The following PRKG1 variants were observed in gnomAD, a reference collection of about 807,000 sequenced individuals.
PRKG1 encodes the protein protein kinase cGMP-dependent 1.
In PRKG1, 35 loss-of-function variants were observed where a neutral mutation model predicts 88.1. The ratio of observed to expected loss-of-function variants is 0.40; its 90% confidence interval spans 0.30 to 0.53. The LOEUF is 0.53. Ranked by LOEUF, PRKG1 falls within the 20% of genes least tolerant of loss-of-function variation. The pLI is 0.59. For synonymous variants in PRKG1, 303 were observed against 292.5 expected (o/e 1.04, Z -0.37); for missense variants, 540 against 839.8 (o/e 0.64, Z 4.41).
intron 1 of PRKG1, among the ~76,000 whole-genome samples, chr10:51,061,221 G>A (rs1843689199): frequency 6.6e-6 from 1 of 152,118 alleles, no homozygotes; most frequent in Admixed American, 6.6e-5. Context: ...CGAAGGAAGA[G>A]CAAAGGGACC....
intron 5 of PRKG1, among the ~76,000 whole-genome samples, chr10:51,985,135 A>G (rs1844120957): frequency 6.6e-6 from 1 of 152,252 alleles, no homozygotes; most frequent in Admixed American, 6.5e-5. Flanking sequence ...CACATCTTCT[A>G]TTTTTATTCC....
At chr10:51,651,804 G>A (rs1309947717) in intron 3 of PRKG1, among the ~76,000 whole-genome samples, 1 of 151,868 alleles carries the variant, frequency 6.6e-6, no homozygotes, top group African/African-American at 2.4e-5. Context: ...GAATTGTCTC[G>A]ATCTCTTGAC....
intron 3 of PRKG1, among the ~76,000 whole-genome samples, chr10:51,471,809 C>T (rs947369232): frequency 2.0e-5 from 3 of 151,738 alleles, no homozygotes; most frequent in Non-Finnish European, 4.4e-5. Flanking sequence ...TCCAATGAAA[C>T]CCAATAAAAA....
At chr10:51,813,033 A>C (rs555173967) in intron 4 of PRKG1, among the ~76,000 whole-genome samples, 2 of 152,306 alleles carry the variant, frequency 1.3e-5, no homozygotes, top group South Asian at 4.1e-4. Flanking sequence ...CCTGGGCCAA[A>C]TGTGTTGTTG....
intron 2 of PRKG1, among the ~76,000 whole-genome samples, chr10:51,463,004 G>A (rs1208866904): frequency 1.3e-5 from 2 of 152,124 alleles, no homozygotes; most frequent in African/African-American, 4.8e-5. Flanking sequence ...CTTAGTAACA[G>A]ACCTAATAGC....
intron 5 of PRKG1, among the ~76,000 whole-genome samples, chr10:51,933,066 C>T (rs916658238): frequency 6.6e-5 from 10 of 151,930 alleles, no homozygotes; most frequent in Non-Finnish European, 1.2e-4. Context: ...TGGGTAGCAG[C>T]CCCAATGTGT....
At chr10:51,110,739 G>C (rs1844962666) in intron 1 of PRKG1, among the ~76,000 whole-genome samples, 1 of 151,950 alleles carries the variant, frequency 6.6e-6, no homozygotes, top group Admixed American at 6.6e-5. Context: ...TATCTAAAGA[G>C]AGCTGCTAAA....
intron 2 of PRKG1, among the ~76,000 whole-genome samples, chr10:51,422,306 T>A (rs1485782079): frequency 6.6e-6 from 1 of 152,136 alleles, no homozygotes; most frequent in Non-Finnish European, 1.5e-5. Flanking sequence ...CACTGTGAGG[T>A]TTCTGTAAGA....
At chr10:51,817,349 C>T (rs536518060) in intron 4 of PRKG1, among the ~76,000 whole-genome samples, 2 of 142,636 alleles carry the variant, frequency 1.4e-5, no homozygotes, top group Admixed American at 7.0e-5. Context: ...CCTCCCCAAC[C>T]CCCCCCCTCC....
chr10:51,779,511 A>G (rs1838530367), intron 3 of PRKG1, among the ~76,000 whole-genome samples: 1 of 152,174 alleles, frequency 6.6e-6, no homozygotes, highest in East Asian at 1.9e-4. Context: ...TATTTTTTTC[A>G]TAAAACAGTA....
At chr10:51,666,697 T>C (rs1174804256) in intron 3 of PRKG1, among the ~76,000 whole-genome samples, 1 of 152,236 alleles carries the variant, frequency 6.6e-6, no homozygotes, top group African/African-American at 2.4e-5. Flanking sequence ...AATTATTTCA[T>C]CAGGCACAAG....
chr10:51,780,584 CGTAA>C (rs1397523247), intron 3 of PRKG1, among the ~76,000 whole-genome samples: 4 of 152,092 alleles, frequency 2.6e-5, no homozygotes, highest in African/African-American at 9.7e-5. Flanking sequence ...TTTATAAAAT[CGTAA>C]GTAACTTTTA....
chr10:51,636,325 A>G (rs1180982368), intron 3 of PRKG1, among the ~76,000 whole-genome samples: 1 of 152,210 alleles, frequency 6.6e-6, no homozygotes, highest in Non-Finnish European at 1.5e-5. Flanking sequence ...AAGCAAAACC[A>G]TTGATTCTCC....
At chr10:51,633,382 C>T (rs548191970) in intron 3 of PRKG1, among the ~76,000 whole-genome samples, 14 of 151,914 alleles carry the variant, frequency 9.2e-5, no homozygotes, top group South Asian at 2.1e-4. Flanking sequence ...AGCTGAACAT[C>T]CTGAAGCAAG....
chr10:51,269,402 GGCACAT>G (rs992173358), intron 2 of PRKG1, among the ~76,000 whole-genome samples: 53 of 152,234 alleles, frequency 3.5e-4, no homozygotes, highest in African/African-American at 1.2e-3. Context: ...GTATAAAAAA[GGCACAT>G]GCACATGCAT....
chr10:52,049,049 C>T (rs1444763449), intron 5 of PRKG1, among the ~76,000 whole-genome samples: 1 of 152,152 alleles, frequency 6.6e-6, no homozygotes, highest in Non-Finnish European at 1.5e-5. Flanking sequence ...TGATAGAAGA[C>T]TCTTCTCGCA....
intron 8 of PRKG1, among the ~76,000 whole-genome samples, chr10:52,150,174 A>ATTATTATTATT (rs1554810270): frequency 0.012 from 1,265 of 104,870 alleles, 16 homozygotes; most frequent in African/African-American, 0.038. Context: ...TAATAATAAT[A>ATTATTATTATT]ATAATAATAA....
chr10:51,123,382 G>A lies in PRKG1; in HGVS notation c.312-29782G>A, dbSNP rs370230124. On this transcript the variant is annotated intron_variant, in intron 1 of 17. Coordinates refer to ENST00000373980, the MANE Select transcript of PRKG1 (RefSeq NM_006258.4). ...ATGCTCCGTATTAGGCCTTTCTTGC[G>A]TTGCTATAAATAAATACCTGAGCCC... Among the ~76,000 whole-genome samples, 32 of 152,114 alleles carry A rather than the reference G, an allele frequency of 2.1e-4. 1 individual carries two copies. Among genetic ancestry groups the A allele is most frequent in the East Asian group, 1.9e-3 (10 of 5,174 alleles).
chr10:52,286,463 GA>G (rs1298613092), intron 14 of PRKG1, among the ~76,000 whole-genome samples: 1 of 151,996 alleles, frequency 6.6e-6, no homozygotes, highest in Non-Finnish European at 1.5e-5. Context: ...TTCAGGAATA[GA>G]AAAACTAGTA....
Sources: gnomAD v4.1 joint callset for allele counts (sites outside exome capture counted in the v4.1 genomes callset) on GRCh38, gnomAD v4.1.1 for gene constraint, MANE v1.5 for transcripts, NCBI Gene and HGNC (gene_info 2026-07-23, HGNC 2026-07-21) for gene names.